Variants in GPR39 observed in about 807,000 individuals in gnomAD.
GPR39 encodes zinc sensing receptor.
In GPR39, 23 loss-of-function variants were observed where a neutral mutation model predicts 18.4. The ratio of observed to expected loss-of-function variants is 1.25; its 90% CI spans 0.90 to 1.77. The LOEUF is 1.77. GPR39 is among the 40% of genes most tolerant of loss of function. The pLI, the probability that GPR39 is intolerant of heterozygous loss-of-function variation, is 0.00. For synonymous variants in GPR39, 280 were observed against 257.9 expected, an observed-to-expected ratio of 1.09 and a Z score of -0.82; for missense variants, 647 against 602.4, an observed-to-expected ratio of 1.07 and a Z score of -0.78.
chr2:132,455,759 AG>A, intron 1 of GPR39, among the ~76,000 whole-genome samples: 1 of 152,290 alleles, frequency 6.6e-6, no homozygotes, highest in Middle Eastern at 3.4e-3. Context: ...ATTCAGGAGC[AG>A]GTTGTTCAGT....
chr2:132,627,637 G>C (rs1282666217), intron 1 of GPR39, among the ~76,000 whole-genome samples: 1 of 152,172 alleles, frequency 6.6e-6, no homozygotes, highest in Admixed American at 6.5e-5. Context: ...AAGGGGCCTA[G>C]CTCATAAACA....
chr2:132,631,824 CTT>C (rs796381645), intron 1 of GPR39, among the ~76,000 whole-genome samples: 4 of 141,848 alleles, frequency 2.8e-5, no homozygotes, highest in Non-Finnish European at 3.1e-5. Context: ...TCTTCTTCTT[CTT>C]TTTTTTTTTT....
intron 1 of GPR39, among the ~76,000 whole-genome samples, chr2:132,599,996 C>T (rs1681011387): frequency 1.3e-5 from 2 of 152,216 alleles, no homozygotes; most frequent in African/African-American, 4.8e-5. Context: ...TCCACATTGA[C>T]TCTCCACATC....
chr2:132,609,229 TTTC>T (rs1681197843), intron 1 of GPR39, among the ~76,000 whole-genome samples: 1 of 152,154 alleles, frequency 6.6e-6, no homozygotes, highest in African/African-American at 2.4e-5. Flanking sequence ...AAGAGGTAGG[TTTC>T]TTCTTCCTCA....
chr2:132,559,661 G>T (rs980205146), intron 1 of GPR39, among the ~76,000 whole-genome samples: 3 of 151,964 alleles, frequency 2.0e-5, no homozygotes, highest in Non-Finnish European at 4.4e-5. Context: ...AGTCGAATTG[G>T]CTAGAAAGAA....
intron 1 of GPR39, among the ~76,000 whole-genome samples, chr2:132,616,607 A>G (rs1395566181): frequency 2.0e-5 from 3 of 152,092 alleles, no homozygotes; most frequent in Non-Finnish European, 4.4e-5. Flanking sequence ...TCCATGTTCC[A>G]TGGGTCTTCA....
chr2:132,480,661 A>G (rs1681216331), intron 1 of GPR39, among the ~76,000 whole-genome samples: 1 of 152,222 alleles, frequency 6.6e-6, no homozygotes, highest in Non-Finnish European at 1.5e-5. Flanking sequence ...GAGGTTCCCA[A>G]CCAATGCTAA....
At chr2:132,458,786 G>A (rs925599421) in intron 1 of GPR39, among the ~76,000 whole-genome samples, 1 of 152,076 alleles carries the variant, frequency 6.6e-6, no homozygotes, top group East Asian at 1.9e-4. Flanking sequence ...TCACTGCAGT[G>A]TTTTGTATGA....
At chr2:132,459,478 T>C (rs1481309688) in intron 1 of GPR39, among the ~76,000 whole-genome samples, 1 of 152,220 alleles carries the variant, frequency 6.6e-6, no homozygotes, top group East Asian at 1.9e-4. Context: ...TGAATCCTCA[T>C]TGTGCTCAGA....
chr2:132,632,245 G>A (rs564365402), intron 1 of GPR39, among the ~76,000 whole-genome samples: 15 of 152,104 alleles, frequency 9.9e-5, no homozygotes, highest in Non-Finnish European at 1.6e-4. Flanking sequence ...CAGGAGTCTA[G>A]CTTGCCAGAC....
chr2:132,544,774 G>A (rs72851117), intron 1 of GPR39, among the ~76,000 whole-genome samples: 431 of 152,256 alleles, frequency 2.8e-3, no homozygotes, highest in Middle Eastern at 6.8e-3. Flanking sequence ...AATCCAAAGG[G>A]TGAGAAGGGC....
At chr2:132,628,113 GC>G (rs1231156281) in intron 1 of GPR39, among the ~76,000 whole-genome samples, 1 of 152,126 alleles carries the variant, frequency 6.6e-6, no homozygotes, top group Non-Finnish European at 1.5e-5. Flanking sequence ...ACTGCCCCCA[GC>G]CCCCAAACAT....
rs983502174 is a variant in GPR39, at chr2:132,513,446, G to C, written c.856+95548G>C. Among the ~76,000 whole-genome samples, 18 of 141,804 alleles carry C rather than the reference G, an allele frequency of 1.3e-4. 1 individual carries two copies. The highest frequency in any genetic ancestry group is 2.5e-4 in the Non-Finnish European group (16 of 64,880). 93.0% of individuals were successfully genotyped at this position (141,804 alleles called of 152,430 possible). ...CCACTGCACTCCAGCCTGGGTGACA[G>C]AGCAAGACTCTGTCTCAAAAAAAAA... On this transcript the variant is annotated intron_variant, in intron 1 of 1. Transcript: ENST00000329321.
At chr2:132,522,665 A>G (rs902302794) in intron 1 of GPR39, among the ~76,000 whole-genome samples, 6 of 152,180 alleles carry the variant, frequency 3.9e-5, no homozygotes, top group African/African-American at 1.4e-4. Context: ...GGCCCTGGGT[A>G]GTGTGAGCAT....
intron 1 of GPR39, among the ~76,000 whole-genome samples, chr2:132,592,484 T>C (rs1332976706): frequency 6.6e-6 from 1 of 152,124 alleles, no homozygotes; most frequent in Non-Finnish European, 1.5e-5. Context: ...AAGTGGTGGC[T>C]GAGGGTGACC....
At chr2:132,613,269 A>C (rs1681266704) in intron 1 of GPR39, among the ~76,000 whole-genome samples, 1 of 152,150 alleles carries the variant, frequency 6.6e-6, no homozygotes, top group Non-Finnish European at 1.5e-5. Flanking sequence ...GTCGCACTCC[A>C]TGTAGACAGA....
chr2:132,589,950 T>A (rs2104830798), intron 1 of GPR39, among the ~76,000 whole-genome samples: 1 of 152,344 alleles, frequency 6.6e-6, no homozygotes, highest in South Asian at 2.1e-4. Context: ...TGCCTTAATT[T>A]TATTTCTCAG....
At chr2:132,499,949 C>T (rs1678980979) in intron 1 of GPR39, among the ~76,000 whole-genome samples, 1 of 152,176 alleles carries the variant, frequency 6.6e-6, no homozygotes, top group Non-Finnish European at 1.5e-5. Context: ...TGAAACTTTG[C>T]TGAACTCATT....
chr2:132,512,041 G>A (rs1334659878), intron 1 of GPR39, among the ~76,000 whole-genome samples: 1 of 152,194 alleles, frequency 6.6e-6, no homozygotes, highest in Non-Finnish European at 1.5e-5. Flanking sequence ...GGTGAAAGAA[G>A]CTGATCCTGT....
Sources: gnomAD v4.1 joint callset for allele counts (sites outside exome capture counted in the v4.1 genomes callset) on GRCh38, gnomAD v4.1.1 for gene constraint, MANE v1.5 for transcripts, NCBI Gene and HGNC (gene_info 2026-07-23, HGNC 2026-07-21) for gene names.